KCNIP4: variants seen among roughly 807,000 people sequenced by gnomAD.
The protein encoded by KCNIP4 is Kv channel-interacting protein 4.
A neutral mutation model predicts 34.0 loss-of-function variants in KCNIP4; 12 were observed. The ratio of observed to expected loss-of-function variants is 0.35; its 90% confidence interval spans 0.23 to 0.57. The LOEUF (loss-of-function observed/expected upper bound fraction) is 0.57. Ranked by LOEUF, KCNIP4 falls within the 20% of genes least tolerant of loss-of-function variation. The pLI is 0.83. For missense variants in KCNIP4, 238 were observed against 311.7 expected (o/e 0.76, Z 1.78); for synonymous variants, 124 against 102.2 (o/e 1.21, Z -1.29).
At chr4:20,914,043 G>A (rs138565091) in intron 1 of KCNIP4, among the ~76,000 whole-genome samples, 189 of 152,148 alleles carry the variant, frequency 1.2e-3, no homozygotes, top group African/African-American at 4.4e-3. Context: ...TGTAATCCCA[G>A]CTACTGGGGA....
chr4:21,751,535 T>G (rs1717151366), intron 1 of KCNIP4, among the ~76,000 whole-genome samples: 1 of 152,160 alleles, frequency 6.6e-6, no homozygotes. Flanking sequence ...TGAAAATTGC[T>G]GACAATTGTT....
intron 1 of KCNIP4, among the ~76,000 whole-genome samples, chr4:20,984,771 C>A (rs890103946): frequency 5.3e-5 from 8 of 152,164 alleles, no homozygotes; most frequent in Admixed American, 5.2e-4. Context: ...ATAACTGCCC[C>A]CTGGAAGGTG....
intron 1 of KCNIP4, among the ~76,000 whole-genome samples, chr4:21,021,115 A>T (rs1375253546): frequency 2.6e-5 from 4 of 152,244 alleles, no homozygotes; most frequent in Non-Finnish European, 5.9e-5. Flanking sequence ...AAACCTGTAC[A>T]GCATGTTACT....
chr4:21,103,999 G>T (rs1177484612), intron 1 of KCNIP4, among the ~76,000 whole-genome samples: 2 of 151,862 alleles, frequency 1.3e-5, no homozygotes, highest in Non-Finnish European at 2.9e-5. Context: ...GGACATTTGG[G>T]TTGGTTCCAA....
chr4:21,453,221 A>G (rs750701718), intron 1 of KCNIP4, among the ~76,000 whole-genome samples: 31 of 152,180 alleles, frequency 2.0e-4, no homozygotes, highest in Middle Eastern at 6.8e-3. Context: ...CCCAATGTTG[A>G]CACTTAATTA....
At chr4:21,875,378 A>G (rs980441417) in intron 1 of KCNIP4, among the ~76,000 whole-genome samples, 4 of 152,218 alleles carry the variant, frequency 2.6e-5, no homozygotes, top group African/African-American at 9.7e-5. Flanking sequence ...TTAAATTCAA[A>G]CAAATAAATA....
chr4:20,949,615 C>T (rs1732556521), intron 1 of KCNIP4, among the ~76,000 whole-genome samples: 1 of 151,808 alleles, frequency 6.6e-6, no homozygotes, highest in African/African-American at 2.4e-5. Context: ...ACCCAAATGT[C>T]CAACAATGAT....
At chr4:21,492,451 T>A (rs1160718380) in intron 1 of KCNIP4, among the ~76,000 whole-genome samples, 1 of 152,184 alleles carries the variant, frequency 6.6e-6, no homozygotes, top group African/African-American at 2.4e-5. Flanking sequence ...CTCGAACTCC[T>A]GGCCTCAAGT....
chr4:21,332,168 G>A (rs539645973), intron 1 of KCNIP4, among the ~76,000 whole-genome samples: 5 of 152,042 alleles, frequency 3.3e-5, no homozygotes, highest in African/African-American at 7.2e-5. Context: ...TGATTGCCCC[G>A]TCCTCTAGAA....
At chr4:21,028,490 T>C (rs747413148) in intron 1 of KCNIP4, among the ~76,000 whole-genome samples, 14 of 152,302 alleles carry the variant, frequency 9.2e-5, no homozygotes, top group Admixed American at 2.6e-4. Context: ...TCTCCTTGAA[T>C]TAACATGTTC....
At chr4:21,681,483 G>C (rs1338002142) in intron 1 of KCNIP4, among the ~76,000 whole-genome samples, 1 of 152,130 alleles carries the variant, frequency 6.6e-6, no homozygotes, top group Non-Finnish European at 1.5e-5. Context: ...TGGATCTTCT[G>C]AATAAGCTGC....
intron 1 of KCNIP4, among the ~76,000 whole-genome samples, chr4:21,810,629 G>A (rs1721585499): frequency 6.7e-6 from 1 of 148,754 alleles, no homozygotes; most frequent in Non-Finnish European, 1.5e-5. Context: ...GGCGGAGCCT[G>A]CAGTGAGCCG....
At chr4:20,912,355 T>A (rs2149572109) in intron 1 of KCNIP4, among the ~76,000 whole-genome samples, 1 of 152,212 alleles carries the variant, frequency 6.6e-6, no homozygotes, top group African/African-American at 2.4e-5. Context: ...GGATACAAGA[T>A]CAATATGCAA....
chr4:21,250,308 G>A (rs985937055), intron 1 of KCNIP4, among the ~76,000 whole-genome samples: 1 of 151,480 alleles, frequency 6.6e-6, no homozygotes, highest in African/African-American at 2.4e-5. Flanking sequence ...GACTTGGAAA[G>A]TTTAAAACAT....
chr4:21,796,757 A>C (rs1720648768), intron 1 of KCNIP4, among the ~76,000 whole-genome samples: 1 of 152,246 alleles, frequency 6.6e-6, no homozygotes, highest in African/African-American at 2.4e-5. Context: ...ATAAACATTC[A>C]GGATGTGACT....
At chr4:20,783,248 G>A (rs1040697524) in intron 3 of KCNIP4, among the ~76,000 whole-genome samples, 5 of 152,138 alleles carry the variant, frequency 3.3e-5, no homozygotes, top group African/African-American at 7.2e-5. Context: ...CCTCCAAGCT[G>A]TTCCAACCTC....
rs116533880 is a variant in KCNIP4, at chr4:20,747,372, G to C, written c.429+2290C>G. ...TGAACTATATTAGGTAAAACCTTTG[G>C]CTTCTATATTATAGATAAATTAAGA... On this transcript the variant is annotated intron_variant, in intron 5 of 8. Coordinates refer to ENST00000382152, the MANE Select transcript of KCNIP4 (RefSeq NM_025221.6). 3.9e-3 allele frequency among the ~76,000 whole-genome samples: 597 copies of C among 152,204 alleles called. 6 individuals are homozygous for C. The highest frequency in any genetic ancestry group is 0.013 in the African/African-American group (560 of 41,514).
intron 1 of KCNIP4, among the ~76,000 whole-genome samples, chr4:21,806,309 G>T (rs1223663105): frequency 2.0e-5 from 3 of 152,108 alleles, no homozygotes; most frequent in Admixed American, 6.5e-5. Flanking sequence ...GTTACTACTT[G>T]CCTGAAAAGA....
intron 1 of KCNIP4, among the ~76,000 whole-genome samples, chr4:21,458,181 C>T (rs979506814): frequency 4.6e-5 from 6 of 129,714 alleles, no homozygotes; most frequent in African/African-American, 1.8e-4. Context: ...GTGTGATATT[C>T]CCCTTCCTGT....
Sources: gnomAD v4.1 joint callset for allele counts (sites outside exome capture counted in the v4.1 genomes callset) on GRCh38, gnomAD v4.1.1 for gene constraint, MANE v1.5 for transcripts, NCBI Gene and HGNC (gene_info 2026-07-23, HGNC 2026-07-21) for gene names.